Variants in MAGI1 observed in about 807,000 individuals in gnomAD.
MAGI1 encodes the protein membrane associated guanylate kinase, WW and PDZ domain containing 1, also known as membrane-associated guanylate kinase, WW and PDZ domain-containing protein 1.
A neutral mutation model predicts 139.9 loss-of-function variants in MAGI1; 58 were observed. That is an observed-to-expected ratio of 0.41 (90% CI 0.34 to 0.52). The LOEUF (loss-of-function observed/expected upper bound fraction) is 0.52, where lower values mean the gene tolerates loss of function less well. Ranked by LOEUF, MAGI1 falls within the 20% of genes least tolerant of loss-of-function variation. The probability of loss-of-function intolerance (pLI) is 0.12; values close to 1 mark genes in which losing one functional copy is unlikely to be tolerated. For synonymous variants in MAGI1, 812 were observed against 737.9 expected, an observed-to-expected ratio of 1.10 and a Z score of -1.63; for missense variants, 1,874 against 1,901.6, an observed-to-expected ratio of 0.99 and a Z score of 0.27.
intron 1 of MAGI1, among the ~76,000 whole-genome samples, chr3:66,017,465 T>C (rs1240489537): frequency 2.6e-5 from 4 of 152,156 alleles, no homozygotes. Flanking sequence ...CAATGGTACA[T>C]CACACCCTGA....
chr3:65,632,038 C>T (rs902087106), intron 1 of MAGI1, among the ~76,000 whole-genome samples: 1 of 143,274 alleles, frequency 7.0e-6, no homozygotes, highest in Non-Finnish European at 1.5e-5. Context: ...AAAAAAAAAA[C>T]AGATATTTGC....
At chr3:65,939,781 G>C (rs1267239658) in intron 1 of MAGI1, among the ~76,000 whole-genome samples, 1 of 152,174 alleles carries the variant, frequency 6.6e-6, no homozygotes, top group Non-Finnish European at 1.5e-5. Flanking sequence ...ATGAGGGTTT[G>C]AGTCTAACAA....
chr3:65,930,090 G>C (rs1042782098), intron 1 of MAGI1, among the ~76,000 whole-genome samples: 1 of 151,960 alleles, frequency 6.6e-6, no homozygotes, highest in Non-Finnish European at 1.5e-5. Context: ...GCCGAGGCGG[G>C]TGGATCACCA....
At chr3:65,830,788 A>T (rs1425018052) in intron 1 of MAGI1, among the ~76,000 whole-genome samples, 2 of 152,216 alleles carry the variant, frequency 1.3e-5, no homozygotes, top group Non-Finnish European at 2.9e-5. Flanking sequence ...TAAGGTAAAT[A>T]TAAAGAAACA....
chr3:65,535,231 CT>C (rs1307426941), intron 2 of MAGI1, among the ~76,000 whole-genome samples: 15 of 152,228 alleles, frequency 9.9e-5, no homozygotes, highest in African/African-American at 3.6e-4. Flanking sequence ...AACAATTTTC[CT>C]TTTTCCTAAA....
chr3:65,370,773 G>T (rs570077132), intron 18 of MAGI1, among the ~76,000 whole-genome samples: 6 of 152,142 alleles, frequency 3.9e-5, no homozygotes, highest in Non-Finnish European at 7.3e-5. Flanking sequence ...TATCCTGCCC[G>T]TTGCCCCAAA....
At chr3:65,448,785 G>A (rs1172285304) in intron 6 of MAGI1, among the ~76,000 whole-genome samples, 1 of 152,012 alleles carries the variant, frequency 6.6e-6, no homozygotes, top group African/African-American at 2.4e-5. Context: ...AAAAATTTCA[G>A]GGAGCAAAAC....
At chr3:65,516,944 G>A (rs952882760) in intron 2 of MAGI1, among the ~76,000 whole-genome samples, 1 of 150,976 alleles carries the variant, frequency 6.6e-6, no homozygotes, top group African/African-American at 2.4e-5. Context: ...TAGCCGGGAT[G>A]GTCTCGATCT....
At chr3:65,819,687 A>T (rs1466062980) in intron 1 of MAGI1, among the ~76,000 whole-genome samples, 1 of 151,576 alleles carries the variant, frequency 6.6e-6, no homozygotes, top group Non-Finnish European at 1.5e-5. Flanking sequence ...GACCATCCTG[A>T]CCAACATAGT....
chr3:65,798,905 A>AC (rs879535929), intron 1 of MAGI1, among the ~76,000 whole-genome samples: 1 of 152,096 alleles, frequency 6.6e-6, no homozygotes, highest in Non-Finnish European at 1.5e-5. Context: ...TACCCCGTAT[A>AC]CCCTCACCAC....
intron 2 of MAGI1, among the ~76,000 whole-genome samples, chr3:65,546,855 G>A (rs1468446992): frequency 6.6e-6 from 1 of 152,066 alleles, no homozygotes; most frequent in African/African-American, 2.4e-5. Flanking sequence ...GAAAAACAGA[G>A]CCCTTACTGA....
At chr3:65,954,273 C>T (rs1450134075) in intron 1 of MAGI1, among the ~76,000 whole-genome samples, 1 of 152,130 alleles carries the variant, frequency 6.6e-6, no homozygotes, top group Non-Finnish European at 1.5e-5. Context: ...TTCTAAAAAC[C>T]TCTGAAGCCA....
intron 1 of MAGI1, among the ~76,000 whole-genome samples, chr3:65,970,652 G>GAGCCAACACC (rs1171598742): frequency 6.6e-6 from 1 of 151,808 alleles, no homozygotes; most frequent in Non-Finnish European, 1.5e-5. Flanking sequence ...CCACACTCTG[G>GAGCCAACACC]AGCCAACACC....
intron 18 of MAGI1, chr3:65,365,230 GTA>G (rs1941300630): frequency 1.6e-6 from 1 of 606,404 alleles, no homozygotes; most frequent in South Asian, 1.4e-5. Flanking sequence ...TCTAGCCAAG[GTA>G]TATGTTTCTC....
chr3:65,424,091 A>G (rs1946827287), intron 12 of MAGI1, among the ~76,000 whole-genome samples: 1 of 152,080 alleles, frequency 6.6e-6, no homozygotes, highest in Non-Finnish European at 1.5e-5. Flanking sequence ...GAAAGGTTTT[A>G]TTTACCTTCT....
At chr3:65,549,827 G>C (rs1458077566) in intron 2 of MAGI1, among the ~76,000 whole-genome samples, 1 of 152,044 alleles carries the variant, frequency 6.6e-6, no homozygotes, top group Non-Finnish European at 1.5e-5. Context: ...GAATAGGGAG[G>C]TGCCGGTCAA....
At chr3:65,630,260 G>A (rs924423334) in intron 1 of MAGI1, among the ~76,000 whole-genome samples, 1 of 152,124 alleles carries the variant, frequency 6.6e-6, no homozygotes, top group African/African-American at 2.4e-5. Flanking sequence ...GCCTGCTTTA[G>A]GAAGGACGAA....
At chr3:65,826,524 A>G (rs962193846) in intron 1 of MAGI1, among the ~76,000 whole-genome samples, 11 of 152,244 alleles carry the variant, frequency 7.2e-5, no homozygotes, top group African/African-American at 2.7e-4. Context: ...AACTTTGAAA[A>G]CAAAACATAT....
At chr3:65,678,713 C>T (rs2087362426) in intron 1 of MAGI1, among the ~76,000 whole-genome samples, 1 of 152,186 alleles carries the variant, frequency 6.6e-6, no homozygotes. Context: ...TTTTGCTCAT[C>T]AGCACTGCTC....
Sources: gnomAD v4.1 joint callset for allele counts (sites outside exome capture counted in the v4.1 genomes callset) on GRCh38, gnomAD v4.1.1 for gene constraint, MANE v1.5 for transcripts, NCBI Gene and HGNC (gene_info 2026-07-23, HGNC 2026-07-21) for gene names.